RP1L1: variants seen among roughly 807,000 people sequenced by gnomAD.
RP1L1 encodes the protein retinitis pigmentosa 1-like 1 protein.
Under a neutral mutation model 15.7 loss-of-function variants are expected in RP1L1, and 27 were observed. That is an observed-to-expected ratio of 1.72 (90% CI 1.27 to 2.38). RP1L1 has a LOEUF of 2.38. RP1L1 is among the 30% of genes most tolerant of loss of function. RP1L1 has a pLI of 0.00. For missense variants in RP1L1, 4,798 were observed against 3,075.9 expected, an observed-to-expected ratio of 1.56 and a Z score of -13.24; for synonymous variants, 1,813 against 1,276.7, an observed-to-expected ratio of 1.42 and a Z score of -8.96.
chr8:10,612,973 G>A lies in RP1L1; in HGVS notation c.1125C>T (p.Gly375=), dbSNP rs550475357. 2 of 1,613,146 alleles carry A rather than the reference G, an allele frequency of 1.2e-6. No homozygotes were observed. The highest frequency in any genetic ancestry group is 2.7e-5 in the African/African-American group (2 of 75,064). The change falls in exon 4 of 4, where the codon GGC becomes GGT. Residue 375 remains glycine (G), a synonymous_variant. Transcript: ENST00000382483. The part of the protein sequence containing the change: ...LCCVWEGYPW[G]FSEPGVWGPR... ...GTCCCCACACCCCAGGCTCTGAGAA[G>A]CCCCAAGGGTAGCCCTCCCACACAC...
intron 1 of RP1L1, among the ~76,000 whole-genome samples, chr8:10,642,548 A>G (rs1312854756): frequency 6.6e-6 from 1 of 152,258 alleles, no homozygotes; most frequent in Non-Finnish European, 1.5e-5. Flanking sequence ...TCAGATGCCA[A>G]TGATCACAGA....
intron 1 of RP1L1, among the ~76,000 whole-genome samples, chr8:10,639,599 C>G (rs1277726483): frequency 6.6e-6 from 1 of 152,136 alleles, no homozygotes; most frequent in Non-Finnish European, 1.5e-5. Context: ...GTCTTCAACA[C>G]CTGACCCTGA....
chr8:10,652,583 G>C (rs1798578733), intron 1 of RP1L1, among the ~76,000 whole-genome samples: 1 of 152,092 alleles, frequency 6.6e-6, no homozygotes, highest in African/African-American at 2.4e-5. Context: ...AGTGAGTGGT[G>C]AAATCACTCT....
At chr8:10,628,801 G>A (rs1276106668) in intron 1 of RP1L1, among the ~76,000 whole-genome samples, 1 of 152,162 alleles carries the variant, frequency 6.6e-6, no homozygotes, top group African/African-American at 2.4e-5. Flanking sequence ...TAGAATCCTT[G>A]GAAACTGTCA....
Position 10,607,486 on chromosome 8 carries a change from C to G in RP1L1, c.6612G>C (p.Glu2204Asp). 1 of 1,609,324 alleles carries G rather than the reference C, an allele frequency of 6.2e-7. No individual in the cohort carries two copies. The highest frequency in any genetic ancestry group is 1.1e-5 in the South Asian group (1 of 90,638). ...CTACACCTTCTAACTCTGGTTGGGC[C>G]TCCCCTTCTGCCTCTGGGGCCTCTA... ...EGIEAPEAEG[E>D]AQPELEGVEA... is the part of the protein sequence containing the mutation. The change falls in exon 4 of 4, where the codon GAG (glutamate) becomes GAC (aspartate). Residue 2204 changes from glutamate to aspartate, a missense_variant. Coordinates refer to ENST00000382483, the MANE Select transcript of RP1L1 (RefSeq NM_178857.6).
At chr8:10,645,473 C>G (rs996524046) in intron 1 of RP1L1, among the ~76,000 whole-genome samples, 2 of 152,176 alleles carry the variant, frequency 1.3e-5, no homozygotes, top group Non-Finnish European at 2.9e-5. Context: ...GTCTTCAACA[C>G]CAAATAGATC....
intron 1 of RP1L1, among the ~76,000 whole-genome samples, chr8:10,648,243 G>A: frequency 6.6e-6 from 1 of 152,096 alleles, no homozygotes; most frequent in Non-Finnish European, 1.5e-5. Flanking sequence ...CATAGGCCAG[G>A]CTGGTCTCGA....
Position 10,610,237 on chromosome 8 carries a change from C to G in RP1L1, c.3861G>C (p.Ser1287=), listed in dbSNP as rs775461512. ...ERDSEEQRAS[S]NLEQLAENTV... ...TGTTTTCAGCTAACTGCTCCAGGTT[C>G]GAGCTCGCCCTCTGCTCCTCACTGT... Residue 1287 remains serine, a synonymous_variant, in exon 4 of 4, where the codon TCG becomes TCC. Transcript: ENST00000382483. 3.7e-5 allele frequency: 60 copies of G among 1,613,828 alleles called. No homozygotes were observed. Among genetic ancestry groups the G allele is most frequent in the Non-Finnish European group, 4.2e-5 (50 of 1,179,954 alleles).
intron 1 of RP1L1, among the ~76,000 whole-genome samples, chr8:10,636,132 T>C (rs142525237): frequency 1.4e-3 from 219 of 152,364 alleles, no homozygotes; most frequent in African/African-American, 5.1e-3. Context: ...ATCTGTCAAA[T>C]GACTTATTTG....
chr8:10,652,083 C>A (rs1798571209), intron 1 of RP1L1, among the ~76,000 whole-genome samples: 1 of 152,252 alleles, frequency 6.6e-6, no homozygotes, highest in African/African-American at 2.4e-5. Flanking sequence ...CAGTATAAGA[C>A]CTGAGTGTGT....
chr8:10,630,904 A>G (rs1798230878), intron 1 of RP1L1, among the ~76,000 whole-genome samples: 1 of 152,190 alleles, frequency 6.6e-6, no homozygotes, highest in African/African-American at 2.4e-5. Flanking sequence ...GAGAAATTGG[A>G]TGAGACTTCC....
rs922315371 is a variant in RP1L1, at chr8:10,612,757, T to A, written c.1341A>T (p.Arg447Ser). 6.2e-7 allele frequency: 1 copy of A among 1,608,668 alleles called. No homozygotes were observed. Among genetic ancestry groups the A allele is most frequent in the Non-Finnish European group, 8.5e-7 (1 of 1,179,858 alleles). ...LWGHGTAGRE[R>S]CSQDSASPAS... is the part of the protein sequence containing the mutation. ...CTGGGCTGGCACTGTCCTGGCTGCA[T>A]CTCTCCCTCCCGGCAGTCCCGTGGC... The change falls in exon 4 of 4, where the codon AGA becomes AGT. Residue 447 changes from arginine to serine, a missense_variant. Arg to Ser is a moderately radical substitution (Grantham distance 110). Coordinates refer to ENST00000382483, the MANE Select transcript of RP1L1 (RefSeq NM_178857.6).
rs756532285 is a variant in RP1L1 at position 10,611,218 on chromosome 8, C to T, written c.2880G>A (p.Trp960Ter). ...RSSPEAVVRE[W>*]LDNIPEEPIL... ...TGGGCTCTTCTGGAATGTTGTCCAGCCATTCGCGGACCACAGCCTCTGGAG... is the reference window on the plus strand; with the variant it reads ...TGGGCTCTTCTGGAATGTTGTCCAGTCATTCGCGGACCACAGCCTCTGGAG... The change falls in exon 4 of 4, where the codon TGG (tryptophan) becomes TGA (stop). Residue 960 changes from tryptophan to a stop codon, truncating the protein, a stop_gained. Coordinates refer to ENST00000382483, the MANE Select transcript of RP1L1 (RefSeq NM_178857.6). LOFTEE classifies it low-confidence loss of function (END_TRUNC). 1.9e-6 allele frequency: 3 copies of T among 1,613,018 alleles called. No individual in the cohort carries two copies. The highest frequency in any genetic ancestry group is 2.5e-6 in the Non-Finnish European group (3 of 1,180,030).
At chr8:10,639,196 G>C (rs1408607098) in intron 1 of RP1L1, among the ~76,000 whole-genome samples, 1 of 151,854 alleles carries the variant, frequency 6.6e-6, no homozygotes, top group African/African-American at 2.4e-5. Context: ...CCTCTGTGGA[G>C]ACCTTTGCTT....
chr8:10,610,785 T>C lies in RP1L1; in HGVS notation c.3313A>G (p.Arg1105Gly), dbSNP rs1254591583. ...CAGCTGAGCCTCCTGGCCATGGGCCTAGACACTTCGGGCACGCTGCTGGGC... is the reference window on the plus strand; with the variant it reads ...CAGCTGAGCCTCCTGGCCATGGGCCCAGACACTTCGGGCACGCTGCTGGGC... ...GRPSSVPEVSRPMARRLSCSA... is the reference protein window; with the variant it reads ...GRPSSVPEVSGPMARRLSCSA... The change falls in exon 4 of 4, where the codon AGG becomes GGG. Residue 1105 changes from arginine to glycine, a missense_variant. By Grantham distance (125) the Arg-to-Gly change is moderately radical. Transcript: ENST00000382483. 6.2e-7 allele frequency: 1 copy of C among 1,612,384 alleles called. No homozygotes were observed. The highest frequency in any genetic ancestry group is 1.3e-5 in the African/African-American group (1 of 74,932).
chr8:10,628,262 T>C (rs1395554104), intron 1 of RP1L1, among the ~76,000 whole-genome samples: 1 of 152,228 alleles, frequency 6.6e-6, no homozygotes, highest in Non-Finnish European at 1.5e-5. Flanking sequence ...CATGAGGCTG[T>C]GCTGTCCCTC....
chr8:10,651,445 C>G (rs577536900), intron 1 of RP1L1, among the ~76,000 whole-genome samples: 2 of 152,106 alleles, frequency 1.3e-5, no homozygotes, highest in African/African-American at 4.8e-5. Context: ...AAGCTATGCT[C>G]GGGCCGGGCG....
chr8:10,608,962 C>T lies in RP1L1; in HGVS notation c.5136G>A (p.Lys1712=), dbSNP rs1011759820. ...DGEAAEVAPG[K]THTDPTSTRT... The stretch of plus-strand genomic sequence containing the variant: ...TAGTGCTCGTGGGGTCCGTGTGGGT[C>T]TTGCCAGGGGCCACCTCTGCTGCCT... Residue 1712 remains lysine, a synonymous_variant, in exon 4 of 4, where the codon AAG becomes AAA. Transcript: ENST00000382483. 4 of 1,613,624 alleles carry T rather than the reference C, an allele frequency of 2.5e-6. No individual in the cohort carries two copies. Among genetic ancestry groups the T allele is most frequent in the Non-Finnish European group, 8.5e-7 (1 of 1,179,690 alleles).
intron 1 of RP1L1, among the ~76,000 whole-genome samples, chr8:10,641,690 G>C (rs1205416179): frequency 2.0e-5 from 3 of 152,156 alleles, no homozygotes; most frequent in Admixed American, 2.0e-4. Context: ...GAAAACTTAA[G>C]TTCACACAAA....
Sources: gnomAD v4.1 joint callset for allele counts (sites outside exome capture counted in the v4.1 genomes callset) on GRCh38, gnomAD v4.1.1 for gene constraint, MANE v1.5 for transcripts, NCBI Gene and HGNC (gene_info 2026-07-23, HGNC 2026-07-21) for gene names.